KCNH8: variants seen among roughly 807,000 people sequenced by gnomAD.
KCNH8 encodes the protein potassium voltage-gated channel subfamily H member 8.
In KCNH8, 70 loss-of-function variants were observed where a neutral mutation model predicts 103.6. That is an observed-to-expected ratio of 0.68 (90% CI 0.56 to 0.82). The LOEUF is 0.82. Among genes scored for constraint, KCNH8 ranks in the 40% least tolerant of loss-of-function variants. KCNH8 has a pLI of 0.00. For missense variants in KCNH8, 1,217 were observed against 1,329.9 expected (o/e 0.92, Z 1.32); for synonymous variants, 498 against 489.4 (o/e 1.02, Z -0.23).
At chr3:19,529,391 G>T (rs564281185) in intron 15 of KCNH8, among the ~76,000 whole-genome samples, 1 of 152,056 alleles carries the variant, frequency 6.6e-6, no homozygotes, top group African/African-American at 2.4e-5. Flanking sequence ...TGTGCACAAC[G>T]TGCAGGTTTG....
intron 2 of KCNH8, among the ~76,000 whole-genome samples, chr3:19,270,553 A>T (rs1029227906): frequency 6.6e-6 from 1 of 152,114 alleles, no homozygotes; most frequent in Non-Finnish European, 1.5e-5. Context: ...GAGTACAGTG[A>T]TGCCTACCTG....
In KCNH8 at chr3:19,370,855, C is replaced by T. The variant is rs1343285004; in HGVS notation, c.812-19626C>T. Among the ~76,000 whole-genome samples, 5 of 149,892 alleles carry T rather than the reference C, an allele frequency of 3.3e-5. No homozygotes were observed. In the Admixed American group the frequency reaches 3.4e-4, roughly 10 times the overall value. ...ATTCCCACCTATGAGTGAGAATATG[C>T]GGTGTTTGGTTTTTTCTTCTTGAGA... is the stretch of plus-strand genomic sequence containing the variant. On this transcript the variant is annotated intron_variant, in intron 5 of 15. Transcript: ENST00000328405.
intron 11 of KCNH8, among the ~76,000 whole-genome samples, chr3:19,485,963 G>T (rs1198013517): frequency 6.6e-6 from 1 of 152,232 alleles, no homozygotes; most frequent in Admixed American, 6.5e-5. Context: ...GAGAGTCAGT[G>T]TAGATGTTTA....
rs563572961 is a variant in KCNH8, at chr3:19,395,496, G to A, written c.1177+185G>A. Among the ~76,000 whole-genome samples, 24 of 151,838 alleles carry A rather than the reference G, an allele frequency of 1.6e-4. No individual in the cohort carries two copies. The South Asian group carries it at 4.2e-3, about 26-fold the overall frequency. On this transcript the variant is annotated intron_variant, in intron 7 of 15. Coordinates refer to ENST00000328405, the MANE Select transcript of KCNH8 (RefSeq NM_144633.3). The stretch of plus-strand genomic sequence containing the variant: ...TTTCAATAAGGTTTTCTGGAACAAC[G>A]TTACATTTTTTTCAAAAATTAATGG...
intron 3 of KCNH8, among the ~76,000 whole-genome samples, chr3:19,335,871 G>C (rs971490475): frequency 6.6e-6 from 1 of 151,588 alleles, no homozygotes; most frequent in African/African-American, 2.4e-5. Flanking sequence ...CCAAATTCAT[G>C]ATCTTGTTTT....
chr3:19,361,719 T>C (rs1195885368), intron 5 of KCNH8, among the ~76,000 whole-genome samples: 2 of 152,188 alleles, frequency 1.3e-5, no homozygotes, highest in African/African-American at 4.8e-5. Flanking sequence ...TATAAGCATA[T>C]ATACACATTT....
At chr3:19,192,590 T>C (rs2063563523) in intron 1 of KCNH8, among the ~76,000 whole-genome samples, 1 of 151,730 alleles carries the variant, frequency 6.6e-6, no homozygotes, top group Admixed American at 6.6e-5. Context: ...ACTTTTGTTT[T>C]TATACTTGTC....
At chr3:19,526,307 T>C (rs1023664108) in intron 15 of KCNH8, among the ~76,000 whole-genome samples, 2 of 151,998 alleles carry the variant, frequency 1.3e-5, no homozygotes, top group African/African-American at 4.8e-5. Context: ...GGAAACCACA[T>C]TTTTTCTCTG....
intron 2 of KCNH8, among the ~76,000 whole-genome samples, chr3:19,276,113 A>G (rs1197378446): frequency 6.6e-6 from 1 of 151,952 alleles, no homozygotes; most frequent in Non-Finnish European, 1.5e-5. Context: ...ACCCAGCCAC[A>G]ATTCATAGCA....
intron 6 of KCNH8, among the ~76,000 whole-genome samples, chr3:19,391,500 T>C (rs946672593): frequency 6.6e-6 from 1 of 152,066 alleles, no homozygotes; most frequent in African/African-American, 2.4e-5. Context: ...CAGTGCTTTA[T>C]AGAAATCATA....
chr3:19,365,726 C>A (rs1236621522), intron 5 of KCNH8, among the ~76,000 whole-genome samples: 1 of 151,852 alleles, frequency 6.6e-6, no homozygotes, highest in Non-Finnish European at 1.5e-5. Context: ...AGGAGACAAA[C>A]AGTAAACAAA....
intron 1 of KCNH8, among the ~76,000 whole-genome samples, chr3:19,179,015 G>T (rs1228978281): frequency 6.6e-6 from 1 of 152,092 alleles, no homozygotes; most frequent in Admixed American, 6.5e-5. Context: ...GAATTAGGAA[G>T]TTGGGGATAA....
chr3:19,496,768 A>G (rs1211288179), intron 11 of KCNH8, among the ~76,000 whole-genome samples: 6 of 152,178 alleles, frequency 3.9e-5, no homozygotes, highest in Non-Finnish European at 7.4e-5. Context: ...TAGGAATGAT[A>G]TCAGCTTTTC....
chr3:19,283,518 A>G (rs570325209), intron 3 of KCNH8, among the ~76,000 whole-genome samples: 1 of 152,260 alleles, frequency 6.6e-6, no homozygotes, highest in African/African-American at 2.4e-5. Flanking sequence ...ATATAAAAAT[A>G]TTACTTCTAA....
chr3:19,347,744 C>T lies in KCNH8; in HGVS notation c.590C>T (p.Pro197Leu), dbSNP rs745979298. ...KINNNVFVDK[P>L]AFPEYKVSDA... The stretch of plus-strand genomic sequence containing the variant: ...CCACAGAATGTTTTTGTAGATAAAC[C>T]AGCATTTCCGGAGTATAAAGTTTCT... Residue 197 changes from proline to leucine, a missense_variant, in exon 5 of 16, where the codon CCA (proline) becomes CTA (leucine). Pro to Leu is a moderately conservative substitution (Grantham distance 98). Coordinates refer to ENST00000328405, the MANE Select transcript of KCNH8 (RefSeq NM_144633.3). 4 of 1,612,922 alleles carry T rather than the reference C, an allele frequency of 2.5e-6. No homozygotes were observed. The highest frequency in any genetic ancestry group is 3.4e-6 in the Non-Finnish European group (4 of 1,179,252).
chr3:19,499,259 G>A (rs4532158), intron 11 of KCNH8, among the ~76,000 whole-genome samples: 9,569 of 152,130 alleles, frequency 0.063, 325 homozygotes, highest in African/African-American at 0.086. Flanking sequence ...AAAAAGAAAC[G>A]AGCAAAGCCT....
intron 1 of KCNH8, among the ~76,000 whole-genome samples, chr3:19,183,898 T>C (rs573692516): frequency 1.7e-4 from 26 of 152,270 alleles, no homozygotes; most frequent in Middle Eastern, 3.4e-3. Flanking sequence ...CACATTTATA[T>C]GGCCAGTGTG....
intron 11 of KCNH8, among the ~76,000 whole-genome samples, chr3:19,494,423 T>G (rs1409529689): frequency 6.6e-6 from 1 of 152,208 alleles, no homozygotes; most frequent in Non-Finnish European, 1.5e-5. Flanking sequence ...GCTCTCTCTT[T>G]GCCTGCTGTC....
intron 5 of KCNH8, among the ~76,000 whole-genome samples, chr3:19,360,217 G>A (rs932825236): frequency 6.6e-6 from 1 of 152,058 alleles, no homozygotes; most frequent in Non-Finnish European, 1.5e-5. Flanking sequence ...ATCACTTGCA[G>A]ACATGTGCAA....
Sources: allele counts gnomAD v4.1 joint callset (sites outside exome capture counted in the v4.1 genomes callset), GRCh38; gene constraint gnomAD v4.1.1; transcripts MANE v1.5; gene names NCBI Gene and HGNC (gene_info 2026-07-23, HGNC 2026-07-21).